Variants in TBX22 observed in about 807,000 individuals in gnomAD.
The protein encoded by TBX22 is T-box transcription factor 22.
TBX22 carries 8 observed loss-of-function variants against 30.1 expected under a neutral mutation model. The ratio of observed to expected loss-of-function variants is 0.27; its 90% confidence interval spans 0.16 to 0.48. The LOEUF is 0.48. Among genes scored for constraint, TBX22 ranks in the 20% least tolerant of loss-of-function variants. The pLI is 0.99. For missense variants in TBX22, 463 were observed against 400.5 expected (o/e 1.16, Z -1.33); for synonymous variants, 173 against 149.1 (o/e 1.16, Z -1.17).
intron 1 of TBX22, among the ~76,000 whole-genome samples, chrX:80,015,417 G>T (rs192260469): frequency 1.5e-3 from 164 of 112,197 alleles, no homozygotes; most frequent in Non-Finnish European, 2.4e-3. Flanking sequence ...TTCTACCGAG[G>T]CTCTTCCCCA....
In TBX22 at chrX:80,028,043, C is replaced by A. The variant is rs1490265878; in HGVS notation, c.916C>A (p.Leu306Ile). Residue 306 changes from leucine to isoleucine, a missense_variant, in exon 8 of 9, where the codon CTC (leucine) becomes ATC (isoleucine). Physicochemically the swap from Leu to Ile is conservative, Grantham distance 5. Transcript: ENST00000373296. ...ETYPWRPSFT[L>I]DFKTFGADTQ... Reference sequence around the variant, plus strand: ...CTACCCATGGAGGCCTTCTTTCACTCTCGATTTTAAAACCTTTGGCGCAGA... The same window carrying A: ...CTACCCATGGAGGCCTTCTTTCACTATCGATTTTAAAACCTTTGGCGCAGA... 10 of 1,209,403 alleles carry A rather than the reference C, an allele frequency of 8.3e-6. No homozygotes were observed.
rs1923995636 is a variant in TBX22, at chrX:80,026,763, C to A, written c.693C>A (p.Ser231Arg). ...KPRVHVIEQG[S>R]SVDLSQIQSL... Reference sequence around the variant, plus strand: ...GAGTGCACGTGATAGAGCAAGGCAGCAGTGTTGACCTGTCCCAGATTCAGT... The same window carrying A: ...GAGTGCACGTGATAGAGCAAGGCAGAAGTGTTGACCTGTCCCAGATTCAGT... The change falls in exon 6 of 9, where the codon AGC becomes AGA. Residue 231 changes from serine to arginine, a missense_variant. Transcript: ENST00000373296. 8.3e-7 allele frequency: 1 copy of A among 1,208,705 alleles called. No individual in the cohort carries two copies. Among genetic ancestry groups the A allele is most frequent in the Admixed American group, 2.2e-5 (1 of 45,757 alleles).
chrX:80,022,308 A>G lies in TBX22; in HGVS notation c.39A>G (p.Glu13=). Residue 13 remains glutamate, a synonymous_variant, in exon 2 of 9, where the codon GAA becomes GAG. Transcript: ENST00000373296. ...CTCGGGCGCGTGCCTTCTCCGTGGAAGCCTTGGTGGGGAGACCCAGCAAAA... is the reference window on the plus strand; with the variant it reads ...CTCGGGCGCGTGCCTTCTCCGTGGAGGCCTTGGTGGGGAGACCCAGCAAAA... ...LSSRARAFSV[E]ALVGRPSKRK... 2 of 1,211,535 alleles carry G rather than the reference A, an allele frequency of 1.7e-6. No individual in the cohort carries two copies. The highest frequency in any genetic ancestry group is 2.2e-6 in the Non-Finnish European group (2 of 895,458).
chrX:80,022,169 T>C, intron 1 of TBX22, 99 bp from the exon 2 acceptor site: 1 of 838,120 alleles, frequency 1.2e-6, no homozygotes, highest in South Asian at 2.2e-5. Flanking sequence ...CTTTCCCTCC[T>C]TCCTTCACCC....
At position 80,020,640 on chromosome X, in the gene TBX22, G is replaced by A. The variant is rs1923648019; in HGVS notation, c.-2-1628G>A. Among the ~76,000 whole-genome samples, 3 of 111,157 alleles carry A rather than the reference G, an allele frequency of 2.7e-5. No individual in the cohort carries two copies. In the South Asian group the frequency reaches 1.1e-3, roughly 42 times the overall value. ...TACTGAGATTTTTAGAGTGTTTAAA[G>A]TCATACCCAGTTGCCTGAAGATCTC... On this transcript the variant is annotated intron_variant, in intron 1 of 8. Transcript: ENST00000373296.
chrX:80,027,356 A>G, intron 7 of TBX22, 36 bp downstream of exon 7: 1 of 664,455 alleles, frequency 1.5e-6, no homozygotes. Context: ...ATATTGATGT[A>G]GCTAGCTATT....
In TBX22 at chrX:80,030,797, G is replaced by C; in HGVS notation, c.1249G>C (p.Gly417Arg). 1 of 1,210,967 alleles carries C rather than the reference G, an allele frequency of 8.3e-7. No homozygotes were observed. The highest frequency in any genetic ancestry group is 1.1e-6 in the Non-Finnish European group (1 of 894,784). ...GGAAGTGCCTATGTTATCTTCCCTG[G>C]GGGTCACCAATTCAAAAAGCGGTTC... is the stretch of plus-strand genomic sequence containing the variant. ...MMEVPMLSSL[G>R]VTNSKSGSSE... is the part of the protein sequence containing the mutation. Residue 417 changes from glycine (G) to arginine (R), a missense_variant, in exon 9 of 9, where the codon GGG becomes CGG. Transcript: ENST00000373296.
chrX:80,024,921 G>A (rs997735769), intron 4 of TBX22, among the ~76,000 whole-genome samples: 2 of 110,739 alleles, frequency 1.8e-5, no homozygotes, highest in African/African-American at 6.6e-5. Flanking sequence ...CTAGGGCTGT[G>A]AGCATTTGAC....
chrX:80,022,968 G>A, intron 2 of TBX22, 92 bp from the exon 3 acceptor site: 1 of 923,076 alleles, frequency 1.1e-6, no homozygotes, highest in African/African-American at 1.9e-5. Flanking sequence ...AAGGGACAAG[G>A]CCCTGTCTGC....
Position 80,031,143 on chromosome X carries a change from G to T in TBX22, c.*32G>T. On this transcript the variant is annotated 3_prime_UTR_variant, in exon 9 of 9. Transcript: ENST00000373296. ...AATAGCATTTCTAGAACAATTACAT[G>T]TAAACAAATATTTTCTTTATTTGTA... is the stretch of plus-strand genomic sequence containing the variant. The T allele has an allele frequency of 8.5e-7, 1 of 1,178,233 alleles. No homozygotes were observed. Among genetic ancestry groups the T allele is most frequent in the Non-Finnish European group, 1.1e-6 (1 of 871,765 alleles).
intron 2 of TBX22, 135 bp downstream of exon 2, chrX:80,022,579 A>C: frequency 1.6e-6 from 1 of 618,789 alleles, no homozygotes. Flanking sequence ...GTGAAGGGGA[A>C]GTTTCAGCGC....
chrX:80,019,758 C>G (rs1923597422), intron 1 of TBX22, among the ~76,000 whole-genome samples: 1 of 111,441 alleles, frequency 9.0e-6, no homozygotes, highest in Admixed American at 9.6e-5. Flanking sequence ...ATATTTTAGT[C>G]TAGTACATAC....
At chrX:80,017,801 T>C (rs1004922873) in intron 1 of TBX22, among the ~76,000 whole-genome samples, 1 of 112,012 alleles carries the variant, frequency 8.9e-6, no homozygotes, top group African/African-American at 3.2e-5. Context: ...AGTAGTTGTA[T>C]GCCTTTGATA....
At chrX:80,029,951 G>A (rs1386515003) in intron 8 of TBX22, among the ~76,000 whole-genome samples, 1 of 111,900 alleles carries the variant, frequency 8.9e-6, no homozygotes, top group Admixed American at 9.5e-5. Context: ...AGTGGTAGTA[G>A]TATAGATCAG....
At chrX:80,022,588 G>A (rs1923767090) in intron 2 of TBX22, 144 bp downstream of exon 2, 2 of 585,484 alleles carry the variant, frequency 3.4e-6, no homozygotes, top group South Asian at 5.0e-5. Context: ...AAGTTTCAGC[G>A]CCTCCGAATC....
At chrX:80,027,176 T>C in intron 6 of TBX22, 80 bp from the exon 7 acceptor site, 1 of 587,723 alleles carries the variant, frequency 1.7e-6, no homozygotes, top group Non-Finnish European at 3.0e-6. Context: ...CTTCTGGTGG[T>C]TGTAACCACT....
At chrX:80,017,779 G>A (rs1325422170) in intron 1 of TBX22, among the ~76,000 whole-genome samples, 1 of 111,699 alleles carries the variant, frequency 9.0e-6, no homozygotes, top group East Asian at 2.8e-4. Context: ...ATTCAGTGAA[G>A]AAATAAGAAA....
At chrX:80,023,890 A>G (rs1045447153) in intron 3 of TBX22, among the ~76,000 whole-genome samples, 173 bp from the exon 4 acceptor site, 10 of 112,110 alleles carry the variant, frequency 8.9e-5, no homozygotes, top group Non-Finnish European at 1.9e-4. Flanking sequence ...TCGGTCAAGT[A>G]TGCAACCAAC....
intron 3 of TBX22, 166 bp downstream of exon 3, chrX:80,023,406 C>A (rs769376673): frequency 2.0e-6 from 1 of 502,624 alleles, no homozygotes; most frequent in Middle Eastern, 4.8e-4. Context: ...ATTGATAGGG[C>A]TCGGACTTAC....
Sources: gnomAD v4.1 joint callset for allele counts (sites outside exome capture counted in the v4.1 genomes callset) on GRCh38, gnomAD v4.1.1 for gene constraint, MANE v1.5 for transcripts, NCBI Gene and HGNC (gene_info 2026-07-23, HGNC 2026-07-21) for gene names.